The following PHACTR1 variants were observed in gnomAD, a reference collection of about 807,000 sequenced individuals.
PHACTR1 encodes the protein phosphatase and actin regulator 1, also known as RPEL repeat containing 1.
In PHACTR1, 16 loss-of-function variants were observed where a neutral mutation model predicts 69.2. The ratio of observed to expected loss-of-function variants is 0.23; its 90% CI spans 0.16 to 0.35. PHACTR1 has a LOEUF of 0.35. Among genes scored for constraint, PHACTR1 ranks in the 10% least tolerant of loss-of-function variants. PHACTR1 has a pLI of 1.00. For synonymous variants in PHACTR1, 312 were observed against 284.5 expected, an observed-to-expected ratio of 1.10 and a Z score of -0.97; for missense variants, 510 against 734.7, an observed-to-expected ratio of 0.69 and a Z score of 3.54.
intron 4 of PHACTR1, among the ~76,000 whole-genome samples, chr6:12,771,536 C>G (rs569559608): frequency 6.6e-6 from 1 of 152,302 alleles, no homozygotes; most frequent in Non-Finnish European, 1.5e-5. Context: ...GTCAAAGATT[C>G]TTGCCCAGTG....
At chr6:13,036,255 A>G (rs1803294726) in intron 4 of PHACTR1, among the ~76,000 whole-genome samples, 1 of 152,248 alleles carries the variant, frequency 6.6e-6, no homozygotes, top group Non-Finnish European at 1.5e-5. Context: ...ATCCCTATGC[A>G]TAAATAGATA....
chr6:13,140,037 G>T (rs1386390464), intron 5 of PHACTR1, among the ~76,000 whole-genome samples: 1 of 152,190 alleles, frequency 6.6e-6, no homozygotes, highest in Non-Finnish European at 1.5e-5. Context: ...CCAAATATAT[G>T]TAATGTTAGA....
intron 10 of PHACTR1, among the ~76,000 whole-genome samples, chr6:13,236,506 G>A (rs999700474): frequency 2.3e-4 from 35 of 152,104 alleles, no homozygotes; most frequent in African/African-American, 6.5e-4. Flanking sequence ...TGTTCCAGGC[G>A]TCTCTCCCGG....
chr6:12,922,652 A>G (rs1004768384), intron 4 of PHACTR1, among the ~76,000 whole-genome samples: 2 of 152,146 alleles, frequency 1.3e-5, no homozygotes, highest in African/African-American at 2.4e-5. Context: ...TCCTCCTACT[A>G]TCCTTTACCC....
chr6:13,267,189 C>T (rs1776861414), intron 10 of PHACTR1: 1 of 152,252 alleles, frequency 6.6e-6, no homozygotes, highest in East Asian at 1.9e-4. Flanking sequence ...TGGTTTTGCT[C>T]ATCACTGTAC....
At chr6:12,784,427 TACATATACACAC>T (rs1771246935) in intron 4 of PHACTR1, among the ~76,000 whole-genome samples, 1 of 151,760 alleles carries the variant, frequency 6.6e-6, no homozygotes, top group African/African-American at 2.4e-5. Flanking sequence ...CATACACATA[TACATATACACAC>T]ATATCTATAC....
intron 4 of PHACTR1, among the ~76,000 whole-genome samples, chr6:12,990,916 T>C (rs1796752431): frequency 6.6e-6 from 1 of 152,126 alleles, no homozygotes; most frequent in Non-Finnish European, 1.5e-5. Context: ...ATCTATAGTC[T>C]CCAATGCTCT....
At chr6:13,186,362 C>T (rs942191813) in intron 7 of PHACTR1, among the ~76,000 whole-genome samples, 1 of 152,108 alleles carries the variant, frequency 6.6e-6, no homozygotes, top group Non-Finnish European at 1.5e-5. Context: ...GTAACAATTC[C>T]ACAACGTGAT....
intron 6 of PHACTR1, among the ~76,000 whole-genome samples, chr6:13,182,265 C>A (rs867815382): frequency 6.6e-6 from 1 of 152,086 alleles, no homozygotes; most frequent in Non-Finnish European, 1.5e-5. Context: ...ACATAGAAAA[C>A]GTGATGGATT....
At chr6:13,000,633 G>GAAGGAAGGAAGGAAGA (rs1562115248) in intron 4 of PHACTR1, among the ~76,000 whole-genome samples, 2 of 106,948 alleles carry the variant, frequency 1.9e-5, no homozygotes, top group African/African-American at 8.1e-5. Context: ...AGGAAGGAAG[G>GAAGGAAGGAAGGAAGA]AAGGAAGGGG....
intron 4 of PHACTR1, among the ~76,000 whole-genome samples, chr6:12,914,908 G>T (rs1417205941): frequency 1.3e-5 from 2 of 152,200 alleles, no homozygotes; most frequent in Non-Finnish European, 2.9e-5. Context: ...GGATGATGGA[G>T]AATTTGGCTG....
intron 4 of PHACTR1, among the ~76,000 whole-genome samples, chr6:12,836,649 C>T (rs909533197): frequency 6.6e-6 from 1 of 152,270 alleles, no homozygotes; most frequent in African/African-American, 2.4e-5. Flanking sequence ...GCCTGCAGCA[C>T]ATTCAGCATT....
intron 4 of PHACTR1, among the ~76,000 whole-genome samples, chr6:12,989,650 G>A (rs1409271842): frequency 1.3e-5 from 2 of 152,180 alleles, no homozygotes; most frequent in East Asian, 1.9e-4. Context: ...GAAGAGACAA[G>A]TTAAGAGTTT....
intron 7 of PHACTR1, among the ~76,000 whole-genome samples, chr6:13,191,243 GA>G (rs879295079): frequency 3.3e-5 from 5 of 150,966 alleles, no homozygotes; most frequent in Admixed American, 6.6e-5. Flanking sequence ...CCTTTAAATG[GA>G]AAAAAAATGA....
intron 4 of PHACTR1, among the ~76,000 whole-genome samples, chr6:12,819,318 A>G (rs1042001391): frequency 6.6e-6 from 1 of 152,234 alleles, no homozygotes; most frequent in South Asian, 2.1e-4. Context: ...TTCTGCAAGC[A>G]AAATATTTCA....
intron 4 of PHACTR1, among the ~76,000 whole-genome samples, chr6:12,753,340 C>G (rs187955291): frequency 1.3e-5 from 2 of 152,136 alleles, no homozygotes; most frequent in Non-Finnish European, 2.9e-5. Context: ...TTTAGATTGA[C>G]AGTATATGGA....
intron 13 of PHACTR1, 101 bp from the exon 14 acceptor site, chr6:13,286,041 TTGTC>T (rs1325632052): frequency 1.5e-5 from 14 of 903,920 alleles, no homozygotes; most frequent in African/African-American, 2.5e-5. Context: ...TTAAACTTGT[TTGTC>T]TTTGTTGAAG....
intron 3 of PHACTR1, among the ~76,000 whole-genome samples, chr6:12,741,408 T>C (rs1224219659): frequency 6.6e-6 from 1 of 152,116 alleles, no homozygotes; most frequent in Non-Finnish European, 1.5e-5. Context: ...TAACCTTTCA[T>C]ATTTAAGTCC....
chr6:12,850,898 C>G (rs1189263858), intron 4 of PHACTR1, among the ~76,000 whole-genome samples: 3 of 152,176 alleles, frequency 2.0e-5, no homozygotes, highest in Non-Finnish European at 1.5e-5. Context: ...AACTTAACTC[C>G]CTTAAGTCTC....
Sources: gnomAD v4.1 joint callset for allele counts (sites outside exome capture counted in the v4.1 genomes callset) on GRCh38, gnomAD v4.1.1 for gene constraint, MANE v1.5 for transcripts, NCBI Gene and HGNC (gene_info 2026-07-23, HGNC 2026-07-21) for gene names.